The following FILIP1L variants were observed in gnomAD, a reference collection of about 807,000 sequenced individuals.
FILIP1L encodes the protein filamin A interacting protein 1 like.
FILIP1L carries 55 observed loss-of-function variants against 96.6 expected under a neutral mutation model. That is an observed-to-expected ratio of 0.57 (90% confidence interval 0.46 to 0.71). The LOEUF (loss-of-function observed/expected upper bound fraction) is 0.71, where lower values mean the gene tolerates loss of function less well. FILIP1L is among the 30% of genes least tolerant of loss of function. The pLI is 0.00. For synonymous variants in FILIP1L, 467 were observed against 473.9 expected (o/e 0.99, Z 0.19); for missense variants, 1,304 against 1,321.2 (o/e 0.99, Z 0.20).
chr3:99,918,607 C>T (rs976478974), intron 4 of FILIP1L, among the ~76,000 whole-genome samples: 1 of 152,058 alleles, frequency 6.6e-6, no homozygotes, highest in Admixed American at 6.5e-5. Context: ...GTATGGAAAC[C>T]GCTGAATTGT....
rs115964229 is a variant in FILIP1L, at chr3:99,974,141, A to G, written c.-10-43111T>C. On this transcript the variant is annotated intron_variant, in intron 1 of 5. Transcript: ENST00000477258. Reference sequence around the variant, plus strand: ...TTTGAAAGTTAAACTAAATCCTTCTAATTGCTTGTAGGTATTGGACAATAT... The same window carrying G: ...TTTGAAAGTTAAACTAAATCCTTCTGATTGCTTGTAGGTATTGGACAATAT... Among the ~76,000 whole-genome samples the G allele has an allele frequency of 6.8e-3, 1,032 of 152,288 alleles. 3 individuals carry two copies. Among genetic ancestry groups the G allele is most frequent in the African/African-American group, 8.5e-3 (353 of 41,566 alleles).
chr3:99,880,243 T>C (rs1171921831), intron 4 of FILIP1L, among the ~76,000 whole-genome samples: 1 of 152,182 alleles, frequency 6.6e-6, no homozygotes, highest in East Asian at 1.9e-4. Flanking sequence ...CTTTCACTCT[T>C]CTTTCAGTTC....
intron 1 of FILIP1L, among the ~76,000 whole-genome samples, chr3:99,971,581 C>A (rs572544173): frequency 5.5e-4 from 83 of 152,280 alleles, no homozygotes; most frequent in African/African-American, 1.9e-3. Context: ...TTCCCACTTC[C>A]TCCATCAGCT....
chr3:100,057,659 A>G (rs950970105), intron 1 of FILIP1L, among the ~76,000 whole-genome samples: 1 of 152,182 alleles, frequency 6.6e-6, no homozygotes, highest in South Asian at 2.1e-4. Flanking sequence ...ATCAGGCCCC[A>G]TATGGGACAG....
At chr3:100,085,794 T>A (rs1235432345) in intron 1 of FILIP1L, among the ~76,000 whole-genome samples, 1 of 152,172 alleles carries the variant, frequency 6.6e-6, no homozygotes, top group Non-Finnish European at 1.5e-5. Context: ...ATAAAAGAAG[T>A]TACATATGTC....
At chr3:99,856,545 C>T (rs1209819213) in intron 4 of FILIP1L, among the ~76,000 whole-genome samples, 3 of 152,160 alleles carry the variant, frequency 2.0e-5, no homozygotes, top group Non-Finnish European at 4.4e-5. Flanking sequence ...TAATTAAATC[C>T]AAACTGGCTT....
intron 4 of FILIP1L, among the ~76,000 whole-genome samples, chr3:99,913,053 C>G (rs1706840669): frequency 6.6e-6 from 1 of 152,168 alleles, no homozygotes. Flanking sequence ...TAAGAACTTT[C>G]TCACCCACTT....
intron 1 of FILIP1L, among the ~76,000 whole-genome samples, chr3:99,932,233 T>C (rs535686167): frequency 1.3e-5 from 2 of 152,332 alleles, no homozygotes; most frequent in African/African-American, 4.8e-5. Context: ...GTATTTATCA[T>C]TCCCCTGTAT....
At chr3:99,832,306 C>T (rs1045191363) in intron 5 of FILIP1L, among the ~76,000 whole-genome samples, 5 of 149,950 alleles carry the variant, frequency 3.3e-5, no homozygotes, top group Non-Finnish European at 7.4e-5. Flanking sequence ...TATCGGCTCA[C>T]TGCAAGCTCC....
At chr3:99,958,681 C>A (rs1257737432) in intron 1 of FILIP1L, among the ~76,000 whole-genome samples, 1 of 152,112 alleles carries the variant, frequency 6.6e-6, no homozygotes, top group Non-Finnish European at 1.5e-5. Context: ...GGGGGCAGAG[C>A]AGGCAGTGTG....
intron 1 of FILIP1L, among the ~76,000 whole-genome samples, chr3:100,093,240 A>G (rs933056048): frequency 5.3e-5 from 8 of 152,126 alleles, no homozygotes; most frequent in African/African-American, 1.9e-4. Context: ...GTCATTAGAT[A>G]TTAGTTCTGT....
At chr3:99,927,639 G>T (rs1377670303) in intron 3 of FILIP1L, among the ~76,000 whole-genome samples, 1 of 152,146 alleles carries the variant, frequency 6.6e-6, no homozygotes, top group Admixed American at 6.5e-5. Context: ...AAAGTGCTGG[G>T]ATTACAGGCA....
At chr3:100,003,917 T>A (rs957509061) in intron 1 of FILIP1L, among the ~76,000 whole-genome samples, 1 of 152,192 alleles carries the variant, frequency 6.6e-6, no homozygotes, top group Non-Finnish European at 1.5e-5. Flanking sequence ...ATTTACATTG[T>A]GCAAACAAGT....
At chr3:100,000,239 G>C (rs904826058) in intron 1 of FILIP1L, among the ~76,000 whole-genome samples, 5 of 152,064 alleles carry the variant, frequency 3.3e-5, no homozygotes, top group Non-Finnish European at 7.4e-5. Context: ...AATATTGTCC[G>C]GTGACCTTGC....
At position 99,848,589 on chromosome 3, in the gene FILIP1L, A is replaced by G. The variant is rs550375139; in HGVS notation, c.3087T>C (p.His1029=). 6.2e-7 allele frequency: 1 copy of G among 1,614,190 alleles called. No homozygotes were observed. The highest frequency in any genetic ancestry group is 1.3e-5 in the African/African-American group (1 of 75,032). Residue 1029 remains histidine (H), a synonymous_variant, in exon 5 of 6, where the codon CAT becomes CAC. Transcript: ENST00000477258. The part of the protein sequence containing the change: ...SPEPTEISAK[H]AIFRVSPDRQ... ...GGTCTGGGGAGACTCTGAATATCGC[A>G]TGCTTGGCACTGATTTCTGTTGGTT...
chr3:100,036,937 T>C (rs1290486849), intron 1 of FILIP1L, among the ~76,000 whole-genome samples: 5 of 152,162 alleles, frequency 3.3e-5, no homozygotes, highest in Non-Finnish European at 1.5e-5. Context: ...TAAGGAAATA[T>C]CAGACAAACC....
intron 1 of FILIP1L, among the ~76,000 whole-genome samples, chr3:100,045,676 T>C (rs759202257): frequency 6.6e-6 from 1 of 152,228 alleles, no homozygotes; most frequent in African/African-American, 2.4e-5. Flanking sequence ...GATTGATTTG[T>C]TGAGAAATAT....
intron 1 of FILIP1L, among the ~76,000 whole-genome samples, chr3:99,974,605 G>T (rs1708915602): frequency 6.6e-6 from 1 of 152,080 alleles, no homozygotes; most frequent in African/African-American, 2.4e-5. Flanking sequence ...TACTCGGGAG[G>T]CTGAGGCAGG....
In FILIP1L at chr3:99,848,308, T is replaced by G; in HGVS notation, c.3368A>C (p.Gln1123Pro). ...ITPTATPLPR[Q>P]SQITIKEVCK... is the part of the protein sequence containing the mutation. ...TATATTACTTACTGTAATTTGTGAT[T>G]GTCGAGGAAGAGGTGTGGCTGTTGG... is the stretch of plus-strand genomic sequence containing the variant. The change falls in exon 5 of 6, where the codon CAA becomes CCA. Residue 1123 changes from glutamine to proline, a missense_variant. Physicochemically the swap from Gln to Pro is moderately conservative, Grantham distance 76 (BLOSUM62 -1). Coordinates refer to ENST00000477258, the MANE Select transcript of FILIP1L (RefSeq NM_001387850.1). 6.2e-7 allele frequency: 1 copy of G among 1,614,058 alleles called. No individual in the cohort carries two copies. Among genetic ancestry groups the G allele is most frequent in the African/African-American group, 1.3e-5 (1 of 75,026 alleles).
Sources: allele counts gnomAD v4.1 joint callset (sites outside exome capture counted in the v4.1 genomes callset), GRCh38; gene constraint gnomAD v4.1.1; transcripts MANE v1.5; gene names NCBI Gene and HGNC (gene_info 2026-07-23, HGNC 2026-07-21).